The following PCDHGB1 variants were observed in gnomAD, a reference collection of about 807,000 sequenced individuals.
The protein encoded by PCDHGB1 is protocadherin gamma subfamily B, 1.
PCDHGB1 carries 34 observed loss-of-function variants against 56.6 expected under a neutral mutation model. The observed-to-expected ratio is 0.60, with a 90% CI of 0.46 to 0.80. PCDHGB1 has a LOEUF of 0.80. PCDHGB1 is among the 30% of genes least tolerant of loss of function. PCDHGB1 has a pLI of 0.00. For synonymous variants in PCDHGB1, 561 were observed against 505.9 expected (o/e 1.11, Z -1.46); for missense variants, 1,278 against 1,204.6 (o/e 1.06, Z -0.90).
chr5:141,491,119 G>A lies in PCDHGB1; in HGVS notation c.2410-3688G>A. 6.2e-7 allele frequency: 1 copy of A among 1,614,216 alleles called. No individual in the cohort carries two copies. The highest frequency in any genetic ancestry group is 1.1e-5 in the South Asian group (1 of 91,086). ...GTTCCTCGTGTCTACACACACTGGT[G>A]AGGTGCGCACAGCCCGGGCCTTACT... On this transcript the variant is annotated intron_variant, in intron 1 of 3. Transcript: ENST00000523390. The surrounding 1 kb of genome is among the most constrained non-coding windows in gnomAD (Gnocchi z 6.9).
At chr5:141,460,214 G>A (rs925628892) in intron 1 of PCDHGB1, among the ~76,000 whole-genome samples, 2 of 151,896 alleles carry the variant, frequency 1.3e-5, no homozygotes, top group Admixed American at 6.6e-5. Flanking sequence ...CATTTTCTTA[G>A]TTGTGTCTTT....
chr5:141,357,871 C>T (rs1760751635), intron 1 of PCDHGB1: 1 of 563,570 alleles, frequency 1.8e-6, no homozygotes, highest in African/African-American at 1.9e-5. Context: ...AATTTTACAA[C>T]TCTGAGCCAC....
At position 141,485,320 on chromosome 5, in the gene PCDHGB1, T is replaced by G; in HGVS notation, c.2410-9487T>G. The G allele has an allele frequency of 6.2e-7, 1 of 1,614,114 alleles. No individual in the cohort carries two copies. The highest frequency in any genetic ancestry group is 8.5e-7 in the Non-Finnish European group (1 of 1,180,018). ...AAGGGACTTTTGTAGGGAATGTCGC[T>G]CAAGATTTCCTGCTGGATACGGACA... is the stretch of plus-strand genomic sequence containing the variant. On this transcript the variant is annotated intron_variant, in intron 1 of 3. Transcript: ENST00000523390. The surrounding 1 kb of genome is among the most constrained non-coding windows in gnomAD (Gnocchi z 5.7).
chr5:141,359,952 G>A (rs2149810633), intron 1 of PCDHGB1: 1 of 554,208 alleles, frequency 1.8e-6, no homozygotes, highest in African/African-American at 1.9e-5. Flanking sequence ...TTGGTCAAAA[G>A]AACGAAGAGA....
At chr5:141,413,597 A>C in intron 1 of PCDHGB1, 2 of 1,613,888 alleles carry the variant, frequency 1.2e-6, no homozygotes, top group Non-Finnish European at 8.5e-7. Context: ...CAAGCAGAAA[A>C]TCTAGACGTA....
At chr5:141,445,282 T>G (rs1023693067) in intron 1 of PCDHGB1, among the ~76,000 whole-genome samples, 4 of 152,220 alleles carry the variant, frequency 2.6e-5, no homozygotes, top group Non-Finnish European at 5.9e-5. Context: ...TCTGCATAAG[T>G]TCAGGCTTCC....
intron 1 of PCDHGB1, chr5:141,376,605 G>A (rs1772889995): frequency 1.2e-5 from 18 of 1,502,688 alleles, no homozygotes; most frequent in Middle Eastern, 3.5e-4. Flanking sequence ...TTATAGAAGC[G>A]AACCTCTTTT....
rs761347005 is a variant in PCDHGB1, at chr5:141,417,873, G to A, written c.2409+65204G>A. On this transcript the variant is annotated intron_variant, in intron 1 of 3. Coordinates refer to ENST00000523390, the MANE Select transcript of PCDHGB1 (RefSeq NM_018922.3). The stretch of plus-strand genomic sequence containing the variant: ...CCCGAGCGAACGATGGGAGGGAGCT[G>A]CGCGCAGAGGCGCCGGGCCGGCCCG... 4.2e-5 allele frequency: 65 copies of A among 1,555,230 alleles called. 2 individuals are homozygous for A. The Middle Eastern group carries it at 6.4e-3, about 152-fold the overall frequency.
At position 141,413,315 on chromosome 5, in the gene PCDHGB1, C is replaced by G. The variant is rs747758921; in HGVS notation, c.2409+60646C>G. The stretch of plus-strand genomic sequence containing the variant: ...ATTCCTGAGGAATTAGAGAAAGGCT[C>G]TTTCGTGGGCAACATCTCCAAGGAC... On this transcript the variant is annotated intron_variant, in intron 1 of 3. Transcript: ENST00000523390. 6 of 1,613,976 alleles carry G rather than the reference C, an allele frequency of 3.7e-6. No individual in the cohort carries two copies. The South Asian group carries it at 5.5e-5, about 15-fold the overall frequency.
chr5:141,374,906 G>A (rs1200666906), intron 1 of PCDHGB1: 5 of 1,613,650 alleles, frequency 3.1e-6, no homozygotes, highest in South Asian at 2.2e-5. Context: ...AGGAGTCCAC[G>A]GGGAAGTAAC....
chr5:141,474,291 AGT>A (rs1191263215), intron 1 of PCDHGB1, among the ~76,000 whole-genome samples: 1 of 152,210 alleles, frequency 6.6e-6, no homozygotes, highest in Admixed American at 6.5e-5. Flanking sequence ...CCACTAGATC[AGT>A]GCTTGTCAAA....
At chr5:141,361,796 A>T in intron 1 of PCDHGB1, 1 of 1,613,122 alleles carries the variant, frequency 6.2e-7, no homozygotes, top group Non-Finnish European at 8.5e-7. Flanking sequence ...TTAGTGGGCG[A>T]CCTCAATGAC....
intron 1 of PCDHGB1, among the ~76,000 whole-genome samples, chr5:141,483,203 A>T (rs940487337): frequency 1.3e-5 from 2 of 152,204 alleles, no homozygotes; most frequent in African/African-American, 2.4e-5. Flanking sequence ...ATTTTATTCC[A>T]TATAGATGAC....
chr5:141,506,444 CAAAAAAAAAAAAA>C (rs1219684339), intron 3 of PCDHGB1, among the ~76,000 whole-genome samples: 1 of 95,030 alleles, frequency 1.1e-5, no homozygotes, highest in Non-Finnish European at 2.2e-5. Context: ...CGCTCTGTCT[CAAAAAAAAAAAAA>C]AAAAAAAAGA....
At chr5:141,430,589 G>A in intron 1 of PCDHGB1, 1 of 529,266 alleles carries the variant, frequency 1.9e-6, no homozygotes, top group Non-Finnish European at 3.1e-6. Context: ...TGCTCGCCTT[G>A]CACGCGCCTG....
At chr5:141,505,650 T>C (rs1595974645) in intron 3 of PCDHGB1, among the ~76,000 whole-genome samples, 169 bp downstream of exon 3, 1 of 152,094 alleles carries the variant, frequency 6.6e-6, no homozygotes, top group East Asian at 1.9e-4. Flanking sequence ...GAATTGTGGC[T>C]AAGGAACAGC....
chr5:141,433,162 A>G, intron 1 of PCDHGB1: 1 of 1,613,890 alleles, frequency 6.2e-7, no homozygotes, highest in Non-Finnish European at 8.5e-7. Flanking sequence ...TATTTTCTAA[A>G]GACAGTCATG....
At chr5:141,354,547 A>G (rs977190350) in intron 1 of PCDHGB1, among the ~76,000 whole-genome samples, 3 of 152,032 alleles carry the variant, frequency 2.0e-5, no homozygotes, top group African/African-American at 7.3e-5. Context: ...TAGAGGGTCA[A>G]CTCCTGTGAG....
chr5:141,381,186 GC>G (rs1489730819), intron 1 of PCDHGB1, among the ~76,000 whole-genome samples: 7 of 152,226 alleles, frequency 4.6e-5, no homozygotes, highest in Non-Finnish European at 7.3e-5. Flanking sequence ...ACGAAGTTAA[GC>G]TTTCTTAGTG....
Sources: gnomAD v4.1 joint callset for allele counts (sites outside exome capture counted in the v4.1 genomes callset) on GRCh38, gnomAD v4.1.1 for gene constraint, Gnocchi (gnomAD v3.1) non-coding constraint, MANE v1.5 for transcripts, NCBI Gene and HGNC (gene_info 2026-07-23, HGNC 2026-07-21) for gene names.